MYH14: variants seen among roughly 807,000 people sequenced by gnomAD.
MYH14 encodes myosin-14.
Under a neutral mutation model 255.5 loss-of-function variants are expected in MYH14, and 123 were observed. That is an observed-to-expected ratio of 0.48 (90% CI 0.42 to 0.56). MYH14 has a LOEUF of 0.56. Among genes scored for constraint, MYH14 ranks in the 20% least tolerant of loss-of-function variants. MYH14 has a pLI of 0.00. For missense variants in MYH14, 2,423 were observed against 2,802.3 expected (o/e 0.86, Z 3.06); for synonymous variants, 1,095 against 1,161.2 (o/e 0.94, Z 1.16).
At chr19:50,281,237 G>C (rs528542690) in intron 32 of MYH14, among the ~76,000 whole-genome samples, 1 of 152,168 alleles carries the variant, frequency 6.6e-6, no homozygotes, top group Non-Finnish European at 1.5e-5. Context: ...TCTCCTGAAT[G>C]TTCTAAACAG....
chr19:50,223,887 C>T lies in MYH14; in HGVS notation c.694-267C>T, dbSNP rs907440450. The stretch of plus-strand genomic sequence containing the variant: ...GTTTGGGAGGCCGAGGCAGGAGGAT[C>T]GCTTGAGCCCAGGAATTCAAGACCA... On this transcript the variant is annotated intron_variant, in intron 5 of 42. Transcript: ENST00000642316. 5.9e-5 allele frequency among the ~76,000 whole-genome samples: 9 copies of T among 152,232 alleles called. No homozygotes were observed. The East Asian group carries it at 7.7e-4, about 13-fold the overall frequency.
intron 1 of MYH14, among the ~76,000 whole-genome samples, chr19:50,205,937 G>A (rs546524248): frequency 6.6e-6 from 1 of 152,300 alleles, no homozygotes; most frequent in African/African-American, 2.4e-5. Context: ...GCCCCAGGGC[G>A]GATCCCTGGC....
At position 50,252,717 on chromosome 19, in the gene MYH14, A is replaced by G; in HGVS notation, c.1909A>G (p.Ser637Gly). ...CAACGTCGCAGCCTTGCTCCACCAG[A>G]GCACAGACCGGCTGACGGCAGAGAT... Reference protein sequence around the residue: ...NDNVAALLHQSTDRLTAEIWK... With the variant: ...NDNVAALLHQGTDRLTAEIWK... The change falls in exon 16 of 43, where the codon AGC becomes GGC. Residue 637 changes from serine to glycine, a missense_variant. Coordinates refer to ENST00000642316, the MANE Select transcript of MYH14 (RefSeq NM_001145809.2). This position sits in a 1 kb window ranked among gnomAD's most constrained non-coding sequence, Gnocchi z 4.2. 6.2e-7 allele frequency: 1 copy of G among 1,600,092 alleles called. No homozygotes were observed. Among genetic ancestry groups the G allele is most frequent in the Non-Finnish European group, 8.5e-7 (1 of 1,173,668 alleles).
At chr19:50,244,977 C>T (rs2123286110) in intron 11 of MYH14, among the ~76,000 whole-genome samples, 1 of 152,302 alleles carries the variant, frequency 6.6e-6, no homozygotes, top group East Asian at 1.9e-4. Flanking sequence ...AGCCTCTGCA[C>T]TCTGCAGAGA....
At chr19:50,286,279 C>A in intron 33 of MYH14, 1 of 561,774 alleles carries the variant, frequency 1.8e-6, no homozygotes, top group Non-Finnish European at 3.2e-6. Context: ...GAGTTAGGGA[C>A]TGATCAGTTT....
At chr19:50,240,587 TA>T (rs59598560) in intron 10 of MYH14, among the ~76,000 whole-genome samples, 2 of 150,710 alleles carry the variant, frequency 1.3e-5, no homozygotes, top group South Asian at 4.2e-4. Flanking sequence ...TCTGTCTCTT[TA>T]AAAAAAAATC....
chr19:50,231,983 T>C lies in MYH14; in HGVS notation c.1027T>C (p.Ser343Pro), dbSNP rs1236229277. 2 of 1,613,804 alleles carry C rather than the reference T, an allele frequency of 1.2e-6. No homozygotes were observed. Among genetic ancestry groups the C allele is most frequent in the African/African-American group, 1.3e-5 (1 of 74,946 alleles). Residue 343 changes from serine to proline, a missense_variant, in exon 10 of 43, where the codon TCA (serine) becomes CCA (proline). Around this residue, in one of 3 missense-constraint regions of MYH14, gnomAD observed 672 missense variants for 881.8 expected, o/e 0.76. Transcript: ENST00000642316. Reference protein sequence around the residue: ...SHYRFLTNGPSSSPGQERELF... With the variant: ...SHYRFLTNGPPSSPGQERELF... ...CTACCGGTTCCTGACCAACGGGCCG[T>C]CATCCTCTCCCGGCCAGGAGCGGGA...
intron 21 of MYH14, among the ~76,000 whole-genome samples, chr19:50,262,020 T>G (rs1037945478): frequency 6.6e-5 from 10 of 152,080 alleles, no homozygotes; most frequent in African/African-American, 2.4e-4. Context: ...AGGTGAGACT[T>G]CCATGGGCAT....
intron 2 of MYH14, among the ~76,000 whole-genome samples, chr19:50,214,159 T>C (rs924565587): frequency 1.3e-5 from 2 of 152,308 alleles, no homozygotes; most frequent in South Asian, 2.1e-4. Flanking sequence ...GCATGCCACA[T>C]GAACTTGTGG....
intron 10 of MYH14, among the ~76,000 whole-genome samples, chr19:50,241,645 A>T (rs1324578092): frequency 6.8e-6 from 1 of 146,378 alleles, no homozygotes; most frequent in Non-Finnish European, 1.5e-5. Flanking sequence ...CTGTATATTA[A>T]TTTTTTTTTT....
intron 21 of MYH14, among the ~76,000 whole-genome samples, chr19:50,262,074 G>A (rs1203343335): frequency 2.6e-5 from 4 of 152,134 alleles, no homozygotes; most frequent in Non-Finnish European, 5.9e-5. Flanking sequence ...GGGGGCCATA[G>A]AGGTGCAGCA....
intron 27 of MYH14, among the ~76,000 whole-genome samples, chr19:50,274,594 TC>T (rs1351128326): frequency 6.6e-6 from 1 of 152,080 alleles, no homozygotes; most frequent in Non-Finnish European, 1.5e-5. Flanking sequence ...TGTGCTGGCC[TC>T]CAGAACTTTT....
At chr19:50,263,855 G>A (rs1422169541) in intron 22 of MYH14, among the ~76,000 whole-genome samples, 6 of 151,906 alleles carry the variant, frequency 3.9e-5, no homozygotes, top group African/African-American at 7.2e-5. Flanking sequence ...TCAGGAGTTC[G>A]AGACCAGCCT....
Position 50,251,565 on chromosome 19 carries a change from CACACAT to C in MYH14, c.1830+879_1830+884del, listed in dbSNP as rs1170849145. ...ACACACACACACACACACACACACA[CACACAT>C]ATATATATGTATTTTTTTTTATTTG... On this transcript the variant is annotated intron_variant, in intron 15 of 42. Transcript: ENST00000642316. 2.4e-3 allele frequency among the ~76,000 whole-genome samples: 267 copies of C among 111,726 alleles called. 1 individual carries two copies. The highest frequency in any genetic ancestry group is 8.5e-3 in the African/African-American group (247 of 29,050). 73.3% of individuals were successfully genotyped at this position (111,726 alleles called of 152,430 possible).
chr19:50,278,950 T>C (rs926606716), intron 30 of MYH14, among the ~76,000 whole-genome samples: 1 of 152,098 alleles, frequency 6.6e-6, no homozygotes, highest in African/African-American at 2.4e-5. Context: ...ACCGCGCCAT[T>C]GCGTTCCAGC....
chr19:50,204,157 T>C, intron 1 of MYH14, among the ~76,000 whole-genome samples: 1 of 152,320 alleles, frequency 6.6e-6, no homozygotes, highest in East Asian at 1.9e-4. Flanking sequence ...TATAACTAAA[T>C]AATTTCCTTT....
At chr19:50,219,845 A>G (rs928402512) in intron 3 of MYH14, among the ~76,000 whole-genome samples, 2 of 152,092 alleles carry the variant, frequency 1.3e-5, no homozygotes, top group African/African-American at 4.8e-5. Flanking sequence ...ATTTTCATAG[A>G]TATTTAGTAT....
chr19:50,287,773 C>G (rs1193604906), intron 34 of MYH14, among the ~76,000 whole-genome samples: 1 of 152,180 alleles, frequency 6.6e-6, no homozygotes. Flanking sequence ...CATGAGAAAA[C>G]TACTCACCAC....
chr19:50,233,756 T>A (rs1025418693), intron 10 of MYH14, among the ~76,000 whole-genome samples: 1 of 151,844 alleles, frequency 6.6e-6, no homozygotes, highest in South Asian at 2.1e-4. Flanking sequence ...GCTTTTGTGT[T>A]CACATGGCGG....
Sources: allele counts gnomAD v4.1 joint callset (sites outside exome capture counted in the v4.1 genomes callset), GRCh38; gene constraint gnomAD v4.1.1; regional missense constraint gnomAD v4.1.1; non-coding constraint Gnocchi (gnomAD v3.1); transcripts MANE v1.5; gene names NCBI Gene and HGNC (gene_info 2026-07-23, HGNC 2026-07-21).